Variants in CUL2 observed in about 807,000 individuals in gnomAD.
CUL2 encodes the protein cullin 2, also known as cullin-2.
A neutral mutation model predicts 110.2 loss-of-function variants in CUL2; 22 were observed. The observed-to-expected ratio is 0.20, with a 90% confidence interval of 0.14 to 0.28. The LOEUF is 0.28. CUL2 is among the 10% of genes least tolerant of loss of function. The probability of loss-of-function intolerance (pLI) is 1.00; values close to 1 mark genes in which losing one functional copy is unlikely to be tolerated. For missense variants in CUL2, 631 were observed against 905.5 expected (o/e 0.70, Z 3.89); for synonymous variants, 279 against 293.2 (o/e 0.95, Z 0.49).
At position 35,071,230 on chromosome 10, in the gene CUL2, C is replaced by T. The variant is rs1297084086; in HGVS notation, c.88G>A (p.Val30Ile). The T allele has an allele frequency of 2.5e-6, 4 of 1,613,970 alleles. No homozygotes were observed. The highest frequency in any genetic ancestry group is 3.3e-5 in the Admixed American group (2 of 59,988). The stretch of plus-strand genomic sequence containing the variant: ...CGGTCATTCCATGTTGCTCTTTCGA[C>T]GTATTCCAACATGACCACGGCTTTT... ...TIKAVVMLEY[V>I]ERATWNDRFS... The change falls in exon 2 of 21, where the codon GTC becomes ATC. Residue 30 changes from valine to isoleucine, a missense_variant. By Grantham distance (29) the Val-to-Ile change is conservative. Coordinates refer to ENST00000374749, the MANE Select transcript of CUL2 (RefSeq NM_003591.4).
At chr10:35,068,508 T>TA (rs1253544999) in intron 2 of CUL2, among the ~76,000 whole-genome samples, 19 of 152,268 alleles carry the variant, frequency 1.2e-4, no homozygotes, top group African/African-American at 4.1e-4. Flanking sequence ...ATTGTGAACT[T>TA]AGAGGGTCAC....
At chr10:35,095,303 A>G (rs189505461), upstream of CUL2, among the ~76,000 whole-genome samples, 28 of 151,018 alleles carry the variant, frequency 1.9e-4, no homozygotes, top group Non-Finnish European at 2.4e-4. Context: ...CAGCCTGACA[A>G]TAGAGCAAGA....
chr10:35,027,626 T>G (rs913794637), intron 16 of CUL2, among the ~76,000 whole-genome samples: 2 of 152,198 alleles, frequency 1.3e-5, no homozygotes, highest in African/African-American at 2.4e-5. Context: ...AAGATTAAGA[T>G]GTAAAAAATG....
At chr10:35,045,663 GCCACGATTGCA>G (rs2085919030) in intron 6 of CUL2, among the ~76,000 whole-genome samples, 1 of 151,922 alleles carries the variant, frequency 6.6e-6, no homozygotes, top group Non-Finnish European at 1.5e-5. Flanking sequence ...GCTACAGTGA[GCCACGATTGCA>G]CCACTGCACT....
At chr10:35,045,557 A>AC (rs936651296) in intron 6 of CUL2, among the ~76,000 whole-genome samples, 16 of 151,296 alleles carry the variant, frequency 1.1e-4, no homozygotes, top group African/African-American at 3.9e-4. Flanking sequence ...AAAAAAAAAA[A>AC]AAAACAACTT....
intron 17 of CUL2, among the ~76,000 whole-genome samples, chr10:35,021,974 C>T (rs4934701): frequency 0.14 from 20,047 of 146,234 alleles, 1,855 homozygotes; most frequent in East Asian, 0.22. Flanking sequence ...ATGTGATTTC[C>T]CCAGAAGACT....
chr10:35,060,522 G>A (rs1003085934), intron 4 of CUL2, among the ~76,000 whole-genome samples: 3 of 152,242 alleles, frequency 2.0e-5, no homozygotes, highest in East Asian at 1.9e-4. Context: ...AGAACATATC[G>A]AGGGGACATG....
intron 1 of CUL2, among the ~76,000 whole-genome samples, chr10:35,114,617 A>G (rs1049807551): frequency 2.3e-4 from 34 of 146,812 alleles, no homozygotes; most frequent in Non-Finnish European, 1.1e-4. Context: ...TCCTGACTTC[A>G]TGATCTGTCC....
At chr10:35,054,586 G>C in intron 4 of CUL2, 47 bp from the exon 5 acceptor site, 1 of 1,066,436 alleles carries the variant, frequency 9.4e-7, no homozygotes, top group Admixed American at 2.3e-5. Context: ...AAAGTCAGTA[G>C]GAAAGCAAAT....
At chr10:35,033,660 CA>C (rs1350843411) in intron 10 of CUL2, among the ~76,000 whole-genome samples, 1 of 151,790 alleles carries the variant, frequency 6.6e-6, no homozygotes, top group Admixed American at 6.6e-5. Context: ...CTGCTGGAAC[CA>C]GGGAGGTGGA....
chr10:35,126,325 G>A (rs1008336722), intron 1 of CUL2, among the ~76,000 whole-genome samples: 2 of 152,224 alleles, frequency 1.3e-5, no homozygotes, highest in Non-Finnish European at 2.9e-5. Context: ...AATTGTCTCA[G>A]GAGCTCAAGC....
At chr10:35,051,606 G>A (rs2086114178) in intron 5 of CUL2, among the ~76,000 whole-genome samples, 1 of 152,160 alleles carries the variant, frequency 6.6e-6, no homozygotes, top group African/African-American at 2.4e-5. Context: ...GCAAGACTCC[G>A]TCTCAAAACA....
Position 35,063,013 on chromosome 10 carries a change from G to C in CUL2, c.169C>G (p.Leu57Val), listed in dbSNP as rs2086423464. Residue 57 changes from leucine to valine, a missense_variant, in exon 3 of 21, where the codon CTT (leucine) becomes GTT (valine). Physicochemically the swap from Leu to Val is conservative, Grantham distance 32. Coordinates refer to ENST00000374749, the MANE Select transcript of CUL2 (RefSeq NM_003591.4). Reference protein sequence around the residue: ...VAYPEPLGERLYTETKIFLEN... With the variant: ...VAYPEPLGERVYTETKIFLEN... ...AAAAAAATCTTAGTTTCTGTATAAA[G>C]TCTTTCTCCAAGGGGTTCAGGATAG... 6.2e-7 allele frequency: 1 copy of C among 1,611,730 alleles called. No individual in the cohort carries two copies.
At chr10:35,070,692 C>T (rs1258491712) in intron 2 of CUL2, among the ~76,000 whole-genome samples, 3 of 152,178 alleles carry the variant, frequency 2.0e-5, no homozygotes, top group South Asian at 2.1e-4. Flanking sequence ...CCAGCAAGCA[C>T]ACTCTTCCCC....
chr10:35,063,401 TTAGTATCAA>T (rs1425619099), intron 2 of CUL2, among the ~76,000 whole-genome samples: 4 of 152,172 alleles, frequency 2.6e-5, no homozygotes, highest in Non-Finnish European at 5.9e-5. Context: ...AGAATGGATA[TTAGTATCAA>T]TAGTATCAAT....
rs7903738 is a variant in CUL2 at position 35,019,312 on chromosome 10, T to C, written c.1685-2918A>G. On this transcript the variant is annotated intron_variant, in intron 17 of 20. Transcript: ENST00000374749. ...AGACCCAAAGAGCATTAGGAGATCA[T>C]GCGAGGGGCCAAAGCATCATTTACT... Among the ~76,000 whole-genome samples, 593 of 152,186 alleles carry C rather than the reference T, an allele frequency of 3.9e-3. 9 individuals are homozygous for C. The highest frequency in any genetic ancestry group is 0.014 in the African/African-American group (567 of 41,574).
At chr10:35,074,690 T>C (rs886333877) in intron 1 of CUL2, among the ~76,000 whole-genome samples, 8 of 152,212 alleles carry the variant, frequency 5.3e-5, no homozygotes, top group Non-Finnish European at 1.2e-4. Context: ...TTCACCATGT[T>C]GGCCAGGCTG....
chr10:35,019,651 C>T (rs2085134046), intron 17 of CUL2, among the ~76,000 whole-genome samples: 1 of 152,048 alleles, frequency 6.6e-6, no homozygotes, highest in Admixed American at 6.6e-5. Context: ...AGTAAGCCAA[C>T]AATAAATAAT....
At chr10:35,037,168 A>G (rs189088465) in intron 9 of CUL2, among the ~76,000 whole-genome samples, 200 of 152,344 alleles carry the variant, frequency 1.3e-3, no homozygotes, top group African/African-American at 4.6e-3. Context: ...ACATTTAGAG[A>G]AAAAACTCAA....
Sources: allele counts gnomAD v4.1 joint callset (sites outside exome capture counted in the v4.1 genomes callset), GRCh38; gene constraint gnomAD v4.1.1; transcripts MANE v1.5; gene names NCBI Gene and HGNC (gene_info 2026-07-23, HGNC 2026-07-21).